Variants in ZNF561 observed in about 807,000 individuals in gnomAD.
ZNF561 encodes zinc finger protein 561.
ZNF561 carries 16 observed loss-of-function variants against 16.7 expected under a neutral mutation model. The observed-to-expected ratio is 0.96, with a 90% CI of 0.65 to 1.45. The LOEUF (loss-of-function observed/expected upper bound fraction) is 1.45. Ranked by LOEUF, ZNF561 falls within the 40% of genes most tolerant of loss-of-function variation. The pLI, the probability that ZNF561 is intolerant of heterozygous loss-of-function variation, is 0.00. For synonymous variants in ZNF561, 190 were observed against 192.1 expected (o/e 0.99, Z 0.09); for missense variants, 580 against 578.0 (o/e 1.00, Z -0.04).
At chr19:9,618,200 C>A (rs1372589766) in intron 2 of ZNF561, 21 bp from the exon 3 acceptor site, 1 of 1,543,906 alleles carries the variant, frequency 6.5e-7, no homozygotes, top group South Asian at 1.2e-5. Flanking sequence ...AGTAAGAAGG[C>A]ATGAGAAGCC....
intron 2 of ZNF561, 26 bp from the exon 3 acceptor site, chr19:9,618,205 G>C: frequency 6.5e-7 from 1 of 1,541,482 alleles, no homozygotes; most frequent in Non-Finnish European, 8.8e-7. Context: ...GAAGGCATGA[G>C]AAGCCAGAGC....
intron 3 of ZNF561, 51 bp downstream of exon 3, chr19:9,618,040 C>T: frequency 6.7e-7 from 1 of 1,485,168 alleles, no homozygotes; most frequent in Non-Finnish European, 9.2e-7. Context: ...AATCTGTCTA[C>T]CTATTGGATG....
At chr19:9,613,997 A>C in intron 5 of ZNF561, 24 bp downstream of exon 5, 1 of 1,608,148 alleles carries the variant, frequency 6.2e-7, no homozygotes, top group Non-Finnish European at 8.5e-7. Context: ...GAGGAAATTA[A>C]GAAATATCCC....
At chr19:9,616,837 G>T (rs570884159) in intron 4 of ZNF561, 3 of 496,636 alleles carry the variant, frequency 6.0e-6, no homozygotes, top group Non-Finnish European at 1.0e-5. Context: ...CTTGTGATCC[G>T]TCCACCTCAG....
At chr19:9,618,288 C>G in intron 2 of ZNF561, 109 bp from the exon 3 acceptor site, 1 of 1,098,070 alleles carries the variant, frequency 9.1e-7, no homozygotes, top group Non-Finnish European at 1.3e-6. Context: ...TGCTCCTACA[C>G]ACTCGAGAAA....
chr19:9,613,808 C>T (rs1481002452), intron 5 of ZNF561, among the ~76,000 whole-genome samples: 1 of 152,194 alleles, frequency 6.6e-6, no homozygotes, highest in African/African-American at 2.4e-5. Context: ...TGAGTCACCA[C>T]ATTCACCTTC....
In ZNF561 at chr19:9,609,881, G is replaced by A. The variant is rs28750324; in HGVS notation, c.*319C>T. On this transcript the variant is annotated 3_prime_UTR_variant, in exon 6 of 6. Coordinates refer to ENST00000302851, the MANE Select transcript of ZNF561 (RefSeq NM_152289.3). ...ATTTTGACATAAATGTGCCACACTGGCAGCCACTAACCAACAGGGGCTGGG... is the reference window on the plus strand; with the variant it reads ...ATTTTGACATAAATGTGCCACACTGACAGCCACTAACCAACAGGGGCTGGG... The A allele has an allele frequency of 0.12, 25,664 of 207,708 alleles. 1,981 individuals are homozygous for A. The highest frequency in any genetic ancestry group is 0.24 in the Admixed American group (4,593 of 19,310). The allele number at this position is 207,708 out of a possible 1,614,324, so 12.9% of individuals were successfully genotyped here. A position where few individuals can be genotyped will look rare whatever the true frequency, so the allele number is the denominator to read the frequency against.
chr19:9,617,187 C>T lies in ZNF561; in HGVS notation c.115-16G>A. 7 of 1,609,212 alleles carry T rather than the reference C, an allele frequency of 4.3e-6. No homozygotes were observed. Among genetic ancestry groups the T allele is most frequent in the Non-Finnish European group, 5.9e-6 (7 of 1,177,058 alleles). ...TCACTGAATCCTATGTCATCATACA[C>T]ATGCTGGTTTGAGCCAATGAACACT... On this transcript the variant is annotated splice_polypyrimidine_tract_variant and intron_variant, in intron 3 of 5. Coordinates refer to ENST00000302851, the MANE Select transcript of ZNF561 (RefSeq NM_152289.3).
chr19:9,609,200 AAAT>A lies in ZNF561; in HGVS notation c.*997_*999del, dbSNP rs1283251807. ...CTTTTAGCTAATCTATAATCTATAG[AAAT>A]AATGTTTATCACAGGCTTACTGTCA... On this transcript the variant is annotated 3_prime_UTR_variant, in exon 6 of 6. Coordinates refer to ENST00000302851, the MANE Select transcript of ZNF561 (RefSeq NM_152289.3). The A allele has an allele frequency of 6.6e-6, 1 of 152,190 alleles. No homozygotes were observed. Among genetic ancestry groups the A allele is most frequent in the Non-Finnish European group, 1.5e-5 (1 of 68,030 alleles). 9.4% of individuals were successfully genotyped at this position (152,190 alleles called of 1,614,324 possible).
rs551187542 is a variant in ZNF561 at position 9,619,258 on chromosome 19, AAAATAAATAAAT to A, written c.25+162_25+173del. On this transcript the variant is annotated intron_variant, in intron 2 of 5. Transcript: ENST00000302851. ...GGTGACGGAACAAGATTCTGTCTCA[AAAATAAATAAAT>A]AAATAAATAAATAATAAAACAGCAT... 2.8e-5 allele frequency: 11 copies of A among 386,318 alleles called. No homozygotes were observed. The South Asian group carries it at 5.6e-4, about 20-fold the overall frequency. 23.9% of individuals were successfully genotyped at this position (386,318 alleles called of 1,614,324 possible).
rs1348230522 is a variant in ZNF561, at chr19:9,609,466, A to G, written c.*734T>C. 2.0e-5 allele frequency: 3 copies of G among 152,244 alleles called. No homozygotes were observed. The East Asian group carries it at 5.8e-4, about 29-fold the overall frequency. The allele number at this position is 152,244 out of a possible 1,614,324, so 9.4% of individuals were successfully genotyped here. ...GATTTGGAAAATTCTCAGCCTATCC[A>G]TAATGCAAAAATTAGAAAACTTGTA... On this transcript the variant is annotated 3_prime_UTR_variant, in exon 6 of 6. Coordinates refer to ENST00000302851, the MANE Select transcript of ZNF561 (RefSeq NM_152289.3).
intron 3 of ZNF561, 70 bp downstream of exon 3, chr19:9,618,021 C>T (rs994260500): frequency 4.6e-5 from 64 of 1,406,058 alleles, no homozygotes; most frequent in Non-Finnish European, 6.2e-5. Flanking sequence ...ATGAGTCTGT[C>T]TAGAAAGAAA....
chr19:9,611,432 T>A, intron 5 of ZNF561, 96 bp from the exon 6 acceptor site: 3 of 1,293,688 alleles, frequency 2.3e-6, no homozygotes, highest in Non-Finnish European at 3.1e-6. Flanking sequence ...CAATTATGAT[T>A]TTACTTTTTA....
intron 4 of ZNF561, 129 bp from the exon 5 acceptor site, chr19:9,614,232 G>A (rs2074513420): frequency 8.5e-7 from 1 of 1,181,026 alleles, no homozygotes; most frequent in African/African-American, 1.6e-5. Context: ...GAGGATTTTG[G>A]TACATCAAAA....
chr19:9,610,432 TTAC>T lies in ZNF561; in HGVS notation c.1226_1228del (p.Ser409del). The stretch of plus-strand genomic sequence containing the variant: ...TTCTCCACTATGAGTTTTCAAATGT[TTAC>T]TACGACGGGAAGAAGTAATGAAGGT... On this transcript the variant is annotated inframe_deletion, in exon 6 of 6. Coordinates refer to ENST00000302851, the MANE Select transcript of ZNF561 (RefSeq NM_152289.3). The T allele has an allele frequency of 6.2e-7, 1 of 1,611,888 alleles. No homozygotes were observed. The highest frequency in any genetic ancestry group is 8.5e-7 in the Non-Finnish European group (1 of 1,178,342).
intron 5 of ZNF561, among the ~76,000 whole-genome samples, chr19:9,612,506 C>A (rs1029975422): frequency 2.0e-5 from 3 of 152,160 alleles, no homozygotes; most frequent in East Asian, 1.9e-4. Context: ...GCGTGAGCCA[C>A]CACACCCAGC....
intron 2 of ZNF561, chr19:9,619,072 C>G (rs1484520457): frequency 6.4e-6 from 1 of 156,394 alleles, no homozygotes; most frequent in Non-Finnish European, 1.4e-5. Flanking sequence ...GAGTGAGATT[C>G]TGTCTCAAAA....
chr19:9,620,822 C>T (rs1443194907), intron 1 of ZNF561: 1 of 152,256 alleles, frequency 6.6e-6, no homozygotes, highest in African/African-American at 2.4e-5. Flanking sequence ...GCAGACAGAT[C>T]ACCTAAGGTC....
intron 2 of ZNF561, among the ~76,000 whole-genome samples, chr19:9,618,489 G>A (rs2074599688): frequency 6.6e-6 from 1 of 152,168 alleles, no homozygotes; most frequent in South Asian, 2.1e-4. Flanking sequence ...CACTTTGGGA[G>A]GCCGAGGCGG....
Sources: allele counts gnomAD v4.1 joint callset (sites outside exome capture counted in the v4.1 genomes callset), GRCh38; gene constraint gnomAD v4.1.1; transcripts MANE v1.5; gene names NCBI Gene and HGNC (gene_info 2026-07-23, HGNC 2026-07-21).